Variants in NIPSNAP1 observed in about 807,000 individuals in gnomAD.
NIPSNAP1 encodes the protein protein NipSnap homolog 1.
Under a neutral mutation model 49.2 loss-of-function variants are expected in NIPSNAP1, and 25 were observed. That is an observed-to-expected ratio of 0.51 (90% CI 0.37 to 0.71). NIPSNAP1 has a LOEUF of 0.71. Ranked by LOEUF, NIPSNAP1 falls within the 30% of genes least tolerant of loss-of-function variation. The probability of loss-of-function intolerance (pLI) is 0.00; values close to 1 mark genes in which losing one functional copy is unlikely to be tolerated. For missense variants in NIPSNAP1, 294 were observed against 361.0 expected, an observed-to-expected ratio of 0.81 and a Z score of 1.50; for synonymous variants, 143 against 140.7, an observed-to-expected ratio of 1.02 and a Z score of -0.12.
At position 29,560,843 on chromosome 22, in the gene NIPSNAP1, A is replaced by G. The variant is rs748819629; in HGVS notation, c.612-15T>C. ...TGGCCCGAGCCCTGGAGAAGGCACA[A>G]TAATATGGGGCAGAAGCCAGGGCTG... On this transcript the variant is annotated splice_polypyrimidine_tract_variant and intron_variant, in intron 7 of 9. Coordinates refer to ENST00000216121, the MANE Select transcript of NIPSNAP1 (RefSeq NM_003634.4). The G allele has an allele frequency of 5.0e-6, 8 of 1,612,022 alleles. No homozygotes were observed. Among genetic ancestry groups the G allele is most frequent in the South Asian group, 2.2e-5 (2 of 91,052 alleles).
chr22:29,577,753 T>C (rs2064464940), intron 1 of NIPSNAP1, among the ~76,000 whole-genome samples: 1 of 145,566 alleles, frequency 6.9e-6, no homozygotes, highest in African/African-American at 2.6e-5. Context: ...GTTTTTTTGA[T>C]ACGGAGTCTC....
Position 29,580,987 on chromosome 22 carries a change from C to A in NIPSNAP1, c.96G>T (p.Ala32=). 1 of 1,530,528 alleles carries A rather than the reference C, an allele frequency of 6.5e-7. No homozygotes were observed. Among genetic ancestry groups the A allele is most frequent in the Non-Finnish European group, 8.7e-7 (1 of 1,143,904 alleles). 94.8% of individuals were successfully genotyped at this position (1,530,528 alleles called of 1,614,324 possible). The part of the protein sequence containing the change: ...RAGDVASAAA[A]RFYSKDNEGS... ...TCCCTGCCTGGCCGGGCTCTCACCG[C>A]GCCGCAGCTGCAGACGCAACGTCCC... The change falls in exon 1 of 10, where the codon GCG becomes GCT. Residue 32 remains alanine, a splice_region_variant and synonymous_variant. Coordinates refer to ENST00000216121, the MANE Select transcript of NIPSNAP1 (RefSeq NM_003634.4).
At chr22:29,571,857 C>A (rs899176444) in intron 1 of NIPSNAP1, among the ~76,000 whole-genome samples, 7 of 151,834 alleles carry the variant, frequency 4.6e-5, no homozygotes, top group African/African-American at 7.3e-5. Flanking sequence ...CTCACTGCAA[C>A]CTCGGCCTCC....
At chr22:29,568,998 A>T (rs1174543511) in intron 4 of NIPSNAP1, among the ~76,000 whole-genome samples, 195 bp downstream of exon 4, 2 of 152,142 alleles carry the variant, frequency 1.3e-5, no homozygotes, top group African/African-American at 4.8e-5. Context: ...GGAAGGAGTC[A>T]CAGGCTTCAC....
At chr22:29,568,277 A>C (rs1353091558) in intron 4 of NIPSNAP1, among the ~76,000 whole-genome samples, 1 of 134,660 alleles carries the variant, frequency 7.4e-6, no homozygotes, top group Non-Finnish European at 1.6e-5. Flanking sequence ...CTGAGGTCAG[A>C]AGTTCGAGAC....
Position 29,561,858 on chromosome 22 carries a change from G to A in NIPSNAP1, c.372C>T (p.His124=). 1 of 1,614,124 alleles carries A rather than the reference G, an allele frequency of 6.2e-7. No homozygotes were observed. The highest frequency in any genetic ancestry group is 2.2e-5 in the East Asian group (1 of 44,874). ...TWYGEQDQAV[H]LWRFSGGYPA... is the part of the protein sequence containing the mutation. ...GGTAGCCACCTGAGAATCGCCACAG[G>A]TGCACTGTTGGGGGTGAGAGGTATA... The change falls in exon 5 of 10, where the codon CAC becomes CAT. Residue 124 remains histidine (H), a synonymous_variant. Transcript: ENST00000216121.
intron 8 of NIPSNAP1, among the ~76,000 whole-genome samples, chr22:29,560,379 C>G (rs907054223): frequency 6.6e-6 from 1 of 152,030 alleles, no homozygotes; most frequent in Non-Finnish European, 1.5e-5. Context: ...TCCCGAGTAT[C>G]TGGGACTACA....
At chr22:29,570,685 A>G (rs2064401918) in intron 1 of NIPSNAP1, among the ~76,000 whole-genome samples, 153 bp from the exon 2 acceptor site, 1 of 152,126 alleles carries the variant, frequency 6.6e-6, no homozygotes, top group African/African-American at 2.4e-5. Context: ...GTGAAATGCT[A>G]TTGGAGCCAG....
chr22:29,579,196 C>G (rs929565771), intron 1 of NIPSNAP1, among the ~76,000 whole-genome samples: 34 of 150,590 alleles, frequency 2.3e-4, no homozygotes, highest in African/African-American at 4.7e-4. Flanking sequence ...CCTCAGCTTC[C>G]TAGTAGCTGG....
chr22:29,579,289 CTTTTTT>C (rs34084606), intron 1 of NIPSNAP1, among the ~76,000 whole-genome samples: 28 of 57,372 alleles, frequency 4.9e-4, no homozygotes, highest in Non-Finnish European at 6.6e-4. Flanking sequence ...AATTTTTGTA[CTTTTTT>C]TTTTTTTTTT....
chr22:29,580,236 T>C, intron 1 of NIPSNAP1: 1 of 1,299,670 alleles, frequency 7.7e-7, no homozygotes, highest in Non-Finnish European at 1.0e-6. Flanking sequence ...CAGGGTCATA[T>C]ATGCAGAGAT....
chr22:29,566,135 T>A (rs1409010691), intron 4 of NIPSNAP1, among the ~76,000 whole-genome samples: 1 of 54,894 alleles, frequency 1.8e-5, no homozygotes, highest in African/African-American at 1.1e-4. Flanking sequence ...AGAAACTGAA[T>A]TTTTTCTTTT....
intron 1 of NIPSNAP1, among the ~76,000 whole-genome samples, chr22:29,576,715 G>C (rs1390642716): frequency 6.6e-6 from 1 of 151,370 alleles, no homozygotes; most frequent in Non-Finnish European, 1.5e-5. Flanking sequence ...CACAAGGTCA[G>C]GAGTTCAAGA....
chr22:29,574,313 TAAA>T (rs1244292517), intron 1 of NIPSNAP1, among the ~76,000 whole-genome samples: 1 of 96,478 alleles, frequency 1.0e-5, no homozygotes, highest in African/African-American at 4.5e-5. Context: ...GAAAAGAAAA[TAAA>T]TTACTTGTCC....
intron 3 of NIPSNAP1, chr22:29,569,860 A>C (rs578152693): frequency 7.0e-6 from 3 of 429,598 alleles, no homozygotes; most frequent in East Asian, 1.0e-4. Context: ...TTAGCGGCGC[A>C]TGCCTGTAAT....
chr22:29,574,277 A>G (rs1454372942), intron 1 of NIPSNAP1, among the ~76,000 whole-genome samples: 4 of 148,564 alleles, frequency 2.7e-5, no homozygotes, highest in African/African-American at 5.0e-5. Context: ...AAAAAAAAAA[A>G]AAAAAAAAAA....
At chr22:29,558,236 G>A (rs187230291) in intron 9 of NIPSNAP1, among the ~76,000 whole-genome samples, 16 of 152,298 alleles carry the variant, frequency 1.1e-4, no homozygotes, top group East Asian at 7.7e-4. Context: ...TTGGGAGGCC[G>A]AGGCAGGCGG....
chr22:29,562,559 C>T (rs887948735), intron 4 of NIPSNAP1, among the ~76,000 whole-genome samples: 8 of 152,016 alleles, frequency 5.3e-5, no homozygotes, highest in African/African-American at 1.7e-4. Context: ...GGTGTGGTGG[C>T]GCATGCCTGT....
chr22:29,579,550 C>T (rs570916158), intron 1 of NIPSNAP1, among the ~76,000 whole-genome samples: 10 of 152,246 alleles, frequency 6.6e-5, no homozygotes, highest in Non-Finnish European at 1.5e-4. Context: ...CCGCCTCGGC[C>T]TCCCAAAGTG....
Sources: allele counts gnomAD v4.1 joint callset (sites outside exome capture counted in the v4.1 genomes callset), GRCh38; gene constraint gnomAD v4.1.1; transcripts MANE v1.5; gene names NCBI Gene and HGNC (gene_info 2026-07-23, HGNC 2026-07-21).